The following CNTN5 variants were observed in gnomAD, a reference collection of about 807,000 sequenced individuals.
CNTN5 encodes contactin 5, also known as contactin-5.
A neutral mutation model predicts 129.1 loss-of-function variants in CNTN5; 77 were observed. The observed-to-expected ratio is 0.60, with a 90% CI of 0.50 to 0.72. The LOEUF (loss-of-function observed/expected upper bound fraction) is 0.72, where lower values mean the gene tolerates loss of function less well. CNTN5 is among the 30% of genes least tolerant of loss of function. The pLI is 0.00. For missense variants in CNTN5, 1,478 were observed against 1,328.8 expected (o/e 1.11, Z -1.75); for synonymous variants, 509 against 465.6 (o/e 1.09, Z -1.20).
intron 1 of CNTN5, among the ~76,000 whole-genome samples, chr11:99,185,193 G>C (rs1220709593): frequency 6.6e-6 from 1 of 151,766 alleles, no homozygotes; most frequent in Admixed American, 6.6e-5. Context: ...GTAATATTTG[G>C]AAGGATATTG....
At chr11:100,046,777 A>G (rs1942701776) in intron 9 of CNTN5, among the ~76,000 whole-genome samples, 1 of 152,188 alleles carries the variant, frequency 6.6e-6, no homozygotes, top group Admixed American at 6.5e-5. Flanking sequence ...ATTGTAGACT[A>G]TGAAAAAAAA....
At chr11:99,629,171 A>G (rs2135794042) in intron 3 of CNTN5, among the ~76,000 whole-genome samples, 1 of 152,202 alleles carries the variant, frequency 6.6e-6, no homozygotes, top group African/African-American at 2.4e-5. Context: ...TAAGAGGCAA[A>G]AATGGTGATG....
intron 1 of CNTN5, among the ~76,000 whole-genome samples, chr11:99,023,528 T>A (rs1050264041): frequency 6.6e-6 from 1 of 152,188 alleles, no homozygotes; most frequent in Non-Finnish European, 1.5e-5. Flanking sequence ...AGGCATAATT[T>A]GTGAAGATTA....
chr11:99,096,088 G>A (rs1195731471), intron 1 of CNTN5, among the ~76,000 whole-genome samples: 2 of 151,850 alleles, frequency 1.3e-5, no homozygotes, highest in African/African-American at 4.8e-5. Context: ...AATAACTTCA[G>A]TGGAAATGCT....
At chr11:99,048,064 G>A (rs775395306) in intron 1 of CNTN5, among the ~76,000 whole-genome samples, 5 of 151,338 alleles carry the variant, frequency 3.3e-5, no homozygotes, top group East Asian at 1.9e-4. Flanking sequence ...ATTCACAGAC[G>A]TATATACTCT....
Position 99,626,306 on chromosome 11 carries a change from A to G in CNTN5, c.55+70037A>G, listed in dbSNP as rs371277688. Among the ~76,000 whole-genome samples the G allele has an allele frequency of 4.6e-5, 7 of 152,004 alleles. No individual in the cohort carries two copies. The East Asian group carries it at 1.4e-3, about 30-fold the overall frequency. ...AATTGTTCAGTGCCTCCGACTTGGT[A>G]AAGAGGTTTTAAGAAAGTTGGAACA... On this transcript the variant is annotated intron_variant, in intron 3 of 24. Coordinates refer to ENST00000524871, the MANE Select transcript of CNTN5 (RefSeq NM_014361.4).
intron 3 of CNTN5, among the ~76,000 whole-genome samples, chr11:99,802,300 C>T (rs974956912): frequency 1.3e-5 from 2 of 152,146 alleles, no homozygotes; most frequent in African/African-American, 4.8e-5. Flanking sequence ...GTCTCTGCTG[C>T]CTCAGGGAAT....
chr11:99,273,049 T>C (rs1863249629), intron 1 of CNTN5, among the ~76,000 whole-genome samples: 1 of 151,546 alleles, frequency 6.6e-6, no homozygotes, highest in Non-Finnish European at 1.5e-5. Flanking sequence ...TAACAATGAT[T>C]GTGTCATGGG....
intron 3 of CNTN5, among the ~76,000 whole-genome samples, chr11:99,719,817 A>G (rs1307935110): frequency 6.6e-6 from 1 of 152,138 alleles, no homozygotes; most frequent in African/African-American, 2.4e-5. Flanking sequence ...GACTATCTAA[A>G]TAAACACATT....
At chr11:99,185,268 G>A (rs1253601946) in intron 1 of CNTN5, among the ~76,000 whole-genome samples, 1 of 121,980 alleles carries the variant, frequency 8.2e-6, no homozygotes, top group Non-Finnish European at 1.7e-5. Context: ...GGCTGATTAG[G>A]GTGAATCGAT....
At chr11:99,744,543 TAA>T (rs553540845) in intron 3 of CNTN5, among the ~76,000 whole-genome samples, 7,782 of 37,232 alleles carry the variant, frequency 0.21, 652 homozygotes, top group East Asian at 0.42. Flanking sequence ...TACAAAAAGT[TAA>T]AAAAAAAAAA....
intron 9 of CNTN5, among the ~76,000 whole-genome samples, chr11:100,006,635 T>G (rs1940210336): frequency 6.6e-6 from 1 of 152,116 alleles, no homozygotes; most frequent in South Asian, 2.1e-4. Context: ...TATCTTGCTG[T>G]TTTCATCACA....
chr11:99,270,625 A>T (rs893770282), intron 1 of CNTN5, among the ~76,000 whole-genome samples: 4 of 151,952 alleles, frequency 2.6e-5, no homozygotes, highest in Non-Finnish European at 5.9e-5. Context: ...TTTTTGGAGC[A>T]CAAAATGTTT....
chr11:99,462,773 G>C (rs1168841277), intron 2 of CNTN5, among the ~76,000 whole-genome samples: 1 of 151,964 alleles, frequency 6.6e-6, no homozygotes, highest in Non-Finnish European at 1.5e-5. Flanking sequence ...GCAGGAGTAG[G>C]GGAGGAAATT....
At chr11:100,005,465 A>G (rs1470797542) in intron 9 of CNTN5, among the ~76,000 whole-genome samples, 1 of 152,318 alleles carries the variant, frequency 6.6e-6, no homozygotes, top group African/African-American at 2.4e-5. Context: ...AAGAACACTT[A>G]TCATGACATC....
intron 13 of CNTN5, among the ~76,000 whole-genome samples, chr11:100,169,277 T>C (rs1217100248): frequency 1.3e-5 from 2 of 152,012 alleles, no homozygotes; most frequent in Non-Finnish European, 2.9e-5. Context: ...ACCAACAGCA[T>C]TGCATGCTAC....
chr11:99,170,003 A>G (rs1861067267), intron 1 of CNTN5, among the ~76,000 whole-genome samples: 1 of 152,158 alleles, frequency 6.6e-6, no homozygotes, highest in Non-Finnish European at 1.5e-5. Context: ...GGAAAGACAA[A>G]GATTACTTCT....
At chr11:100,113,249 T>C (rs1945713499) in intron 13 of CNTN5, among the ~76,000 whole-genome samples, 1 of 151,648 alleles carries the variant, frequency 6.6e-6, no homozygotes, top group East Asian at 1.9e-4. Context: ...TTACTTTACA[T>C]ATAAATGTAA....
chr11:99,275,390 A>G (rs994720544), intron 1 of CNTN5, among the ~76,000 whole-genome samples: 1 of 151,612 alleles, frequency 6.6e-6, no homozygotes, highest in Non-Finnish European at 1.5e-5. Flanking sequence ...ATATATGTTC[A>G]TATTTTATCT....
Sources: allele counts gnomAD v4.1 joint callset (sites outside exome capture counted in the v4.1 genomes callset), GRCh38; gene constraint gnomAD v4.1.1; transcripts MANE v1.5; gene names NCBI Gene and HGNC (gene_info 2026-07-23, HGNC 2026-07-21).